The following SLAMF9 variants were observed in gnomAD, a reference collection of about 807,000 sequenced individuals.
The protein encoded by SLAMF9 is CD2 family member 10.
A neutral mutation model predicts 30.4 loss-of-function variants in SLAMF9; 25 were observed. The ratio of observed to expected loss-of-function variants is 0.82; its 90% CI spans 0.60 to 1.15. The LOEUF (loss-of-function observed/expected upper bound fraction) is 1.15, where lower values mean the gene tolerates loss of function less well. Ranked by LOEUF, SLAMF9 falls within the 50% of genes most tolerant of loss-of-function variation. SLAMF9 has a pLI of 0.00. For missense variants in SLAMF9, 344 were observed against 346.1 expected (o/e 0.99, Z 0.05); for synonymous variants, 129 against 127.2 (o/e 1.01, Z -0.09).
At chr1:159,952,637 C>T in intron 2 of SLAMF9, 103 bp from the exon 3 acceptor site, 1 of 1,250,294 alleles carries the variant, frequency 8.0e-7, no homozygotes, top group Non-Finnish European at 1.1e-6. Flanking sequence ...CTTGACAGCC[C>T]CTGCACCTAA....
the SLAMF9 span, among the ~76,000 whole-genome samples, chr1:159,975,386 A>C: frequency 6.6e-6 from 1 of 152,014 alleles, no homozygotes; most frequent in Non-Finnish European, 1.5e-5. Flanking sequence ...TATAAGGGAG[A>C]TGTAGGGAGA....
the SLAMF9 span, among the ~76,000 whole-genome samples, chr1:159,960,257 C>T: frequency 2.1e-5 from 3 of 144,678 alleles, no homozygotes; most frequent in Non-Finnish European, 4.5e-5. Flanking sequence ...TGAGTGAGAA[C>T]AGGCGGTGTT....
the SLAMF9 span, among the ~76,000 whole-genome samples, chr1:159,969,284 G>A: frequency 5.9e-5 from 9 of 151,576 alleles, no homozygotes; most frequent in Non-Finnish European, 1.2e-4. Context: ...AGGGGGGAAG[G>A]GGTATAGTCC....
upstream of SLAMF9, among the ~76,000 whole-genome samples, chr1:159,954,463 G>A (rs535517623): frequency 3.9e-5 from 6 of 152,054 alleles, no homozygotes; most frequent in South Asian, 2.1e-4. Flanking sequence ...CCAGGTCCCC[G>A]CACGTACTGC....
the SLAMF9 span, among the ~76,000 whole-genome samples, chr1:159,972,229 C>T: frequency 6.6e-6 from 1 of 152,208 alleles, no homozygotes; most frequent in Non-Finnish European, 1.5e-5. Flanking sequence ...GCCCCTCACC[C>T]ACACCCTACA....
the SLAMF9 span, chr1:159,961,552 T>TA: frequency 0.12 from 18,864 of 152,252 alleles, 1,342 homozygotes; most frequent in African/African-American, 0.19. Context: ...GTGTCAGTGT[T>TA]AAAAAGGTGA....
upstream of SLAMF9, among the ~76,000 whole-genome samples, chr1:159,955,962 T>A (rs1651914248): frequency 6.6e-6 from 1 of 152,202 alleles, no homozygotes; most frequent in African/African-American, 2.4e-5. Flanking sequence ...AATAAATCTG[T>A]TTAACAAATA....
chr1:159,976,915 AG>A, the SLAMF9 span: 3 of 606 alleles, frequency 5.0e-3, no homozygotes, highest in African/African-American at 6.0e-3. Context: ...AAAGAAAAAA[AG>A]AAAGAAAGAA....
upstream of SLAMF9, among the ~76,000 whole-genome samples, chr1:159,955,874 G>A (rs1052874697): frequency 6.6e-6 from 1 of 152,204 alleles, no homozygotes; most frequent in Non-Finnish European, 1.5e-5. Context: ...TTCAATTTAT[G>A]AGTATAAAAC....
rs35438196 is a variant in SLAMF9, at chr1:159,952,436, C to A, written c.490G>T (p.Asp164Tyr). The A allele has an allele frequency of 6.2e-7, 1 of 1,614,094 alleles. No individual in the cohort carries two copies. The highest frequency in any genetic ancestry group is 1.7e-5 in the Admixed American group (1 of 60,020). ...CGGGAGAGCCAGCTGTAGGTCATAT[C>A]CATGCCTGCCTTCTCCACAGAGCAC... ...LVCSVEKAGM[D>Y]MTYSWLSRGD... is the part of the protein sequence containing the mutation. Residue 164 changes from aspartate (D) to tyrosine (Y), a missense_variant, in exon 3 of 4, where the codon GAT becomes TAT. Physicochemically the swap from Asp to Tyr is radical, Grantham distance 160 (BLOSUM62 -3). Coordinates refer to ENST00000368093, the MANE Select transcript of SLAMF9 (RefSeq NM_033438.4).
the SLAMF9 span, chr1:159,972,864 G>A: frequency 1.0e-6 from 1 of 970,892 alleles, no homozygotes. Context: ...GGGATGGGAG[G>A]CTCAGCCTGA....
the SLAMF9 span, among the ~76,000 whole-genome samples, chr1:159,978,329 T>A: frequency 2.0e-5 from 3 of 151,998 alleles, no homozygotes; most frequent in Middle Eastern, 3.4e-3. Context: ...GACTTTGGGG[T>A]TGTTAGGAAA....
upstream of SLAMF9, among the ~76,000 whole-genome samples, chr1:159,955,293 C>A (rs1557944069): frequency 6.6e-6 from 1 of 152,168 alleles, no homozygotes. Context: ...AATGGGCTGC[C>A]TTAGAAAGTA....
chr1:159,954,000 C>G (rs1299491920), intron 1 of SLAMF9, 92 bp downstream of exon 1: 1 of 1,517,270 alleles, frequency 6.6e-7, no homozygotes, highest in Non-Finnish European at 9.1e-7. Context: ...CATTCAACCC[C>G]TAAGAAAGGG....
the SLAMF9 span, among the ~76,000 whole-genome samples, chr1:159,967,382 G>C: frequency 6.6e-6 from 1 of 152,110 alleles, no homozygotes; most frequent in Non-Finnish European, 1.5e-5. Flanking sequence ...TGAATAGATT[G>C]TCCTTTCCTC....
the SLAMF9 span, among the ~76,000 whole-genome samples, chr1:159,965,982 C>CTT: frequency 6.6e-6 from 1 of 152,194 alleles, no homozygotes; most frequent in East Asian, 1.9e-4. Flanking sequence ...TGAAATTACA[C>CTT]TTTTAGTTAT....
At chr1:159,968,587 G>A in the SLAMF9 span, among the ~76,000 whole-genome samples, 2 of 152,164 alleles carry the variant, frequency 1.3e-5, no homozygotes, top group Admixed American at 1.3e-4. Context: ...GGGAGAGAGG[G>A]ACTGTCTGGG....
chr1:159,973,413 G>A, the SLAMF9 span: 1 of 510,392 alleles, frequency 2.0e-6, no homozygotes, highest in Non-Finnish European at 3.5e-6. Flanking sequence ...TCATCACCAA[G>A]ACCTGTCCTC....
the SLAMF9 span, chr1:159,972,781 C>A: frequency 1.5e-6 from 1 of 651,384 alleles, no homozygotes; most frequent in South Asian, 5.2e-5. Context: ...TGTACCACAT[C>A]TTCCACAGCA....
Sources: allele counts gnomAD v4.1 joint callset (sites outside exome capture counted in the v4.1 genomes callset), GRCh38; gene constraint gnomAD v4.1.1; transcripts MANE v1.5; gene names NCBI Gene and HGNC (gene_info 2026-07-23, HGNC 2026-07-21).